Variants in GPN3 observed in about 807,000 individuals in gnomAD.
GPN3 encodes GPN-loop GTPase 3, also known as ATP-binding domain 1 family member C.
A neutral mutation model predicts 38.7 loss-of-function variants in GPN3; 31 were observed. The observed-to-expected ratio is 0.80, with a 90% CI of 0.60 to 1.08. The LOEUF (loss-of-function observed/expected upper bound fraction) is 1.08, where lower values mean the gene tolerates loss of function less well. GPN3 is among the 50% of genes least tolerant of loss of function. GPN3 has a pLI of 0.00. For missense variants in GPN3, 301 were observed against 354.4 expected (o/e 0.85, Z 1.21); for synonymous variants, 116 against 120.2 (o/e 0.96, Z 0.23).
In GPN3 at chr12:110,453,063, C is replaced by T. The variant is rs200226170; in HGVS notation, c.826G>A (p.Glu276Lys). Residue 276 changes from glutamate to lysine, a missense_variant, in exon 8 of 8, where the codon GAA (glutamate) becomes AAA (lysine). Glu to Lys is a moderately conservative substitution (Grantham distance 56, BLOSUM62 1). Coordinates refer to ENST00000228827, the MANE Select transcript of GPN3 (RefSeq NM_016301.4). ...REDESSSMFDEYFQECQDE is the reference protein window; with the variant it reads ...REDESSSMFDKYFQECQDE The stretch of plus-strand genomic sequence containing the variant: ...TCATCCTGGCATTCTTGAAAATATT[C>T]GTCAAACATAGAGGAAGACTCATCT... The T allele has an allele frequency of 1.4e-5, 21 of 1,478,506 alleles. No homozygotes were observed. In the African/African-American group the frequency reaches 1.9e-4, roughly 14 times the overall value. 91.6% of individuals were successfully genotyped at this position (1,478,506 alleles called of 1,614,324 possible). A position where few individuals can be genotyped will look rare whatever the true frequency, so the allele number is the denominator to read the frequency against.
At chr12:110,455,793 A>T (rs752242830) in intron 5 of GPN3, 22 bp downstream of exon 5, 9 of 1,237,856 alleles carry the variant, frequency 7.3e-6, no homozygotes, top group Non-Finnish European at 1.1e-5. Flanking sequence ...ATCTGATAAT[A>T]ATGGAAGAAC....
intron 6 of GPN3, 55 bp from the exon 7 acceptor site, chr12:110,453,926 A>G: frequency 7.2e-7 from 1 of 1,393,470 alleles, no homozygotes. Context: ...AAAATACATA[A>G]TTTTCAACTT....
chr12:110,463,061 G>C (rs533375079), intron 2 of GPN3, among the ~76,000 whole-genome samples: 2 of 152,128 alleles, frequency 1.3e-5, no homozygotes, highest in African/African-American at 2.4e-5. Context: ...CAGCCATGCA[G>C]GTTGTACTTC....
chr12:110,468,527 T>A, upstream of GPN3: 4 of 1,537,254 alleles, frequency 2.6e-6, no homozygotes, highest in Non-Finnish European at 3.5e-6. Context: ...CGTGCTTCGG[T>A]CCGTGGTTTG....
In GPN3 at chr12:110,453,237, T is replaced by C. The variant is rs568239573; in HGVS notation, c.793-141A>G. On this transcript the variant is annotated intron_variant, in intron 7 of 7. Transcript: ENST00000228827. ...GCTCCAGGTGCTGCTTATAGGTAAC[T>C]GTTAATAGTAAGAAAAGGCATGATT... 4 of 506,876 alleles carry C rather than the reference T, an allele frequency of 7.9e-6. No homozygotes were observed. The East Asian group carries it at 1.3e-4, about 16-fold the overall frequency. The allele number at this position is 506,876 out of a possible 1,614,324, so 31.4% of individuals were successfully genotyped here.
In GPN3 at chr12:110,457,644, G is replaced by T; in HGVS notation, c.326-10C>A. 6.4e-7 allele frequency: 1 copy of T among 1,574,352 alleles called. No individual in the cohort carries two copies. The highest frequency in any genetic ancestry group is 8.6e-7 in the Non-Finnish European group (1 of 1,160,950). On this transcript the variant is annotated splice_polypyrimidine_tract_variant and intron_variant, in intron 3 of 7. Coordinates refer to ENST00000228827, the MANE Select transcript of GPN3 (RefSeq NM_016301.4). Reference sequence around the variant, plus strand: ...TACAACTCAATCTGACCTACATGAAGAGTATTGCAAGAATTTTAGAAATAG... The same window carrying T: ...TACAACTCAATCTGACCTACATGAATAGTATTGCAAGAATTTTAGAAATAG...
rs1211037198 is a variant in GPN3, at chr12:110,465,170, G to A, written c.93C>T (p.Asn31=). The A allele has an allele frequency of 6.2e-7, 1 of 1,611,768 alleles. No individual in the cohort carries two copies. The highest frequency in any genetic ancestry group is 1.7e-5 in the Admixed American group (1 of 59,990). Residue 31 remains asparagine (N), a synonymous_variant, in exon 2 of 8, where the codon AAC becomes AAT. Coordinates refer to ENST00000228827, the MANE Select transcript of GPN3 (RefSeq NM_016301.4). ...ATMVQHCEAL[N]RSVQVVNLDP... ...CCAGGTTTACAACTTGGACAGACCG[G>A]TTGAGGGCTTCACAGTGCTGGACCA... is the stretch of plus-strand genomic sequence containing the variant.
At chr12:110,461,364 A>G in intron 2 of GPN3, 1 of 716,560 alleles carries the variant, frequency 1.4e-6, no homozygotes, top group Non-Finnish European at 2.5e-6. Context: ...AGAACTAATC[A>G]CTGATCGTCA....
chr12:110,462,395 C>T (rs2062595762), intron 2 of GPN3, among the ~76,000 whole-genome samples: 1 of 152,094 alleles, frequency 6.6e-6, no homozygotes, highest in Non-Finnish European at 1.5e-5. Flanking sequence ...TTATATCATA[C>T]ACTGAACAAA....
At chr12:110,465,905 C>T (rs1325697305) in intron 1 of GPN3, among the ~76,000 whole-genome samples, 3 of 151,968 alleles carry the variant, frequency 2.0e-5, no homozygotes, top group South Asian at 2.1e-4. Context: ...GGTGAAACCT[C>T]GTCTCTACTA....
intron 2 of GPN3, among the ~76,000 whole-genome samples, chr12:110,464,124 T>C (rs760586827): frequency 3.8e-4 from 58 of 152,040 alleles, no homozygotes; most frequent in Non-Finnish European, 7.8e-4. Context: ...CACATGTCCC[T>C]GCACCCAGCT....
intron 2 of GPN3, among the ~76,000 whole-genome samples, 189 bp from the exon 3 acceptor site, chr12:110,460,051 G>A (rs980932790): frequency 6.6e-6 from 1 of 152,078 alleles, no homozygotes; most frequent in African/African-American, 2.4e-5. Context: ...TGTACAGCCC[G>A]ACAATGGAAT....
intron 6 of GPN3, 45 bp from the exon 7 acceptor site, chr12:110,453,916 A>G: frequency 4.0e-6 from 6 of 1,482,370 alleles, no homozygotes; most frequent in Non-Finnish European, 5.6e-6. Flanking sequence ...GAAGTTGTGC[A>G]AAATACATAA....
At chr12:110,464,470 T>TA (rs2062612788) in intron 2 of GPN3, among the ~76,000 whole-genome samples, 1 of 151,328 alleles carries the variant, frequency 6.6e-6, no homozygotes, top group East Asian at 1.9e-4. Flanking sequence ...TTGAAAGAAT[T>TA]AAAAAAAACA....
At chr12:110,462,820 G>A (rs1045942707) in intron 2 of GPN3, among the ~76,000 whole-genome samples, 10 of 152,094 alleles carry the variant, frequency 6.6e-5, no homozygotes, top group Non-Finnish European at 1.5e-4. Context: ...TCAGTGGCGC[G>A]ATCTCGGCTC....
intron 6 of GPN3, among the ~76,000 whole-genome samples, chr12:110,455,097 T>C (rs1264682734): frequency 6.6e-6 from 1 of 151,816 alleles, no homozygotes; most frequent in Non-Finnish European, 1.5e-5. Flanking sequence ...GAGCTGGGAT[T>C]ACAGGCGTAA....
chr12:110,455,900 C>T lies in GPN3; in HGVS notation c.481G>A (p.Ala161Thr). ...FISGILAALSAMISLEIPQVN... is the reference protein window; with the variant it reads ...FISGILAALSTMISLEIPQVN... Reference sequence around the variant, plus strand: ...TGCGGAATTTCTAGAGAGATCATGGCACTCAGGGCTGCCAAGATGCCAGAA... The same window carrying T: ...TGCGGAATTTCTAGAGAGATCATGGTACTCAGGGCTGCCAAGATGCCAGAA... The change falls in exon 5 of 8, where the codon GCC (alanine) becomes ACC (threonine). Residue 161 changes from alanine to threonine, a missense_variant. Ala to Thr is a moderately conservative substitution (Grantham distance 58, BLOSUM62 0). Transcript: ENST00000228827. 1 of 1,603,900 alleles carries T rather than the reference C, an allele frequency of 6.2e-7. No homozygotes were observed. The highest frequency in any genetic ancestry group is 8.5e-7 in the Non-Finnish European group (1 of 1,170,738).
At chr12:110,461,773 T>C (rs910987234) in intron 2 of GPN3, among the ~76,000 whole-genome samples, 1 of 152,198 alleles carries the variant, frequency 6.6e-6, no homozygotes, top group South Asian at 2.1e-4. Context: ...ACATTTATAC[T>C]GACAACACCT....
rs1291442229 is a variant in GPN3, at chr12:110,468,244, G to A, written c.-41C>T. On this transcript the variant is annotated 5_prime_UTR_variant, in exon 1 of 8. Transcript: ENST00000228827. Reference sequence around the variant, plus strand: ...CGCCCGCCACACTCCCTTAGCCTTCGCGCGACGCCCACTGAGCTCCGGGAA... The same window carrying A: ...CGCCCGCCACACTCCCTTAGCCTTCACGCGACGCCCACTGAGCTCCGGGAA... The A allele has an allele frequency of 1.2e-6, 2 of 1,605,726 alleles. No individual in the cohort carries two copies. Among genetic ancestry groups the A allele is most frequent in the Non-Finnish European group, 8.5e-7 (1 of 1,179,692 alleles).
Sources: allele counts gnomAD v4.1 joint callset (sites outside exome capture counted in the v4.1 genomes callset), GRCh38; gene constraint gnomAD v4.1.1; transcripts MANE v1.5; gene names NCBI Gene and HGNC (gene_info 2026-07-23, HGNC 2026-07-21).